Variants in GRID2 observed in about 807,000 individuals in gnomAD.
The protein encoded by GRID2 is glutamate ionotropic receptor delta type subunit 2.
GRID2 carries 33 observed loss-of-function variants against 114.8 expected under a neutral mutation model. The ratio of observed to expected loss-of-function variants is 0.29; its 90% CI spans 0.22 to 0.38. GRID2 has a LOEUF of 0.38. Among genes scored for constraint, GRID2 ranks in the 10% least tolerant of loss-of-function variants. The probability of loss-of-function intolerance (pLI) is 1.00; values close to 1 mark genes in which losing one functional copy is unlikely to be tolerated. For missense variants in GRID2, 1,184 were observed against 1,257.7 expected (o/e 0.94, Z 0.89); for synonymous variants, 505 against 449.9 (o/e 1.12, Z -1.55).
At chr4:92,749,309 G>A (rs1364243881) in intron 2 of GRID2, among the ~76,000 whole-genome samples, 1 of 107,098 alleles carries the variant, frequency 9.3e-6, no homozygotes, top group Non-Finnish European at 1.8e-5. Context: ...TTGATTTGTA[G>A]CTTTTTTTTT....
chr4:93,454,208 A>C (rs533615122), intron 10 of GRID2, among the ~76,000 whole-genome samples: 1 of 152,134 alleles, frequency 6.6e-6, no homozygotes, highest in East Asian at 1.9e-4. Flanking sequence ...TAATGTAAAT[A>C]GTACAGTTTA....
rs1270247643 is a variant in GRID2, at chr4:92,645,108, C to T, written c.244+54822C>T. On this transcript the variant is annotated intron_variant, in intron 2 of 15. Coordinates refer to ENST00000282020, the MANE Select transcript of GRID2 (RefSeq NM_001510.4). ...TTCAAACATTTCATTAGTATTTAAA[C>T]TTTCAATCTTCCTGTAAGTTCTATA... Among the ~76,000 whole-genome samples the T allele has an allele frequency of 2.0e-5, 3 of 151,372 alleles. 1 individual carries two copies. Among genetic ancestry groups the T allele is most frequent in the African/African-American group, 7.3e-5 (3 of 41,312 alleles).
chr4:93,069,945 C>T (rs1728664028), intron 2 of GRID2, among the ~76,000 whole-genome samples: 1 of 151,972 alleles, frequency 6.6e-6, no homozygotes, highest in African/African-American at 2.4e-5. Context: ...TGGGGGCTTA[C>T]TTGGTTGTTG....
intron 2 of GRID2, among the ~76,000 whole-genome samples, chr4:92,749,452 C>G (rs1737330855): frequency 6.7e-6 from 1 of 150,300 alleles, no homozygotes; most frequent in Non-Finnish European, 1.5e-5. Context: ...GTAGCTGAGA[C>G]TACAGGCGCC....
At chr4:93,082,456 C>A (rs150972450) in intron 2 of GRID2, among the ~76,000 whole-genome samples, 4 of 151,984 alleles carry the variant, frequency 2.6e-5, no homozygotes, top group Non-Finnish European at 5.9e-5. Context: ...CAGAGGGATG[C>A]GCATTTATAA....
chr4:93,422,630 A>T, intron 9 of GRID2, 141 bp from the exon 10 acceptor site: 1 of 602,246 alleles, frequency 1.7e-6, no homozygotes, highest in East Asian at 2.8e-5. Context: ...TGCGTTAATA[A>T]TGCATAAGTT....
chr4:92,713,896 C>T (rs1004627769), intron 2 of GRID2, among the ~76,000 whole-genome samples: 1 of 151,994 alleles, frequency 6.6e-6, no homozygotes, highest in Non-Finnish European at 1.5e-5. Flanking sequence ...GGTGGGGACA[C>T]AGCCAAACCA....
At chr4:92,624,179 C>T (rs1730409378) in intron 2 of GRID2, among the ~76,000 whole-genome samples, 1 of 151,750 alleles carries the variant, frequency 6.6e-6, no homozygotes, top group African/African-American at 2.4e-5. Context: ...CCTTACAGTC[C>T]TATGACGTAG....
intron 2 of GRID2, among the ~76,000 whole-genome samples, chr4:92,676,647 T>A (rs1312712498): frequency 6.6e-6 from 1 of 152,118 alleles, no homozygotes; most frequent in African/African-American, 2.4e-5. Flanking sequence ...ATCCCCATAT[T>A]CCCTACATAT....
intron 4 of GRID2, among the ~76,000 whole-genome samples, chr4:93,184,527 A>T (rs915313126): frequency 1.3e-5 from 2 of 151,620 alleles, no homozygotes; most frequent in Non-Finnish European, 2.9e-5. Context: ...AAAAAAAAAA[A>T]AAACTCACAG....
chr4:93,675,836 A>C (rs2110076108), intron 14 of GRID2, among the ~76,000 whole-genome samples: 1 of 152,328 alleles, frequency 6.6e-6, no homozygotes, highest in South Asian at 2.1e-4. Context: ...TGCAAAGTAA[A>C]AGCATTATAG....
At chr4:92,848,375 T>C (rs1743497330) in intron 2 of GRID2, among the ~76,000 whole-genome samples, 1 of 151,888 alleles carries the variant, frequency 6.6e-6, no homozygotes, top group Non-Finnish European at 1.5e-5. Context: ...CACATCTCTT[T>C]CTCTCTTCAC....
chr4:92,490,829 A>G (rs887322089), intron 1 of GRID2, among the ~76,000 whole-genome samples: 3 of 152,108 alleles, frequency 2.0e-5, no homozygotes, highest in Non-Finnish European at 2.9e-5. Flanking sequence ...TTTAAGAAAA[A>G]CCAGAAGAAA....
At chr4:93,165,114 G>T (rs1180429209) in intron 4 of GRID2, among the ~76,000 whole-genome samples, 1 of 152,020 alleles carries the variant, frequency 6.6e-6, no homozygotes, top group Non-Finnish European at 1.5e-5. Flanking sequence ...CCTGCAAAGG[G>T]TTTAACACAG....
Position 92,600,024 on chromosome 4 carries a change from A to ATGTGTG in GRID2, c.244+9754_244+9759dup, listed in dbSNP as rs145357264. Among the ~76,000 whole-genome samples, 268 of 79,468 alleles carry ATGTGTG rather than the reference A, an allele frequency of 3.4e-3. 2 individuals carry two copies. Among genetic ancestry groups the ATGTGTG allele is most frequent in the African/African-American group, 0.014 (247 of 17,668 alleles). 52.1% of individuals were successfully genotyped at this position (79,468 alleles called of 152,430 possible). ...TGGGCGACAGGGCAATACTTCATGT[A>ATGTGTG]TGTGTGTGTGTGTGTGTGTGTATAT... is the stretch of plus-strand genomic sequence containing the variant. On this transcript the variant is annotated intron_variant, in intron 2 of 15. Coordinates refer to ENST00000282020, the MANE Select transcript of GRID2 (RefSeq NM_001510.4).
At chr4:93,310,446 G>A (rs578139306) in intron 8 of GRID2, among the ~76,000 whole-genome samples, 51 of 152,218 alleles carry the variant, frequency 3.4e-4, no homozygotes, top group Non-Finnish European at 6.3e-4. Flanking sequence ...CAGGAGAATC[G>A]CTTGAACCCG....
chr4:93,106,381 C>G (rs1732233644), intron 3 of GRID2, among the ~76,000 whole-genome samples: 1 of 152,166 alleles, frequency 6.6e-6, no homozygotes, highest in Non-Finnish European at 1.5e-5. Context: ...GAGTCCCCCT[C>G]TGTTGCCCAG....
chr4:93,311,461 G>A (rs529305430), intron 8 of GRID2, among the ~76,000 whole-genome samples: 34 of 152,134 alleles, frequency 2.2e-4, no homozygotes, highest in African/African-American at 7.2e-4. Context: ...TCCACTTTAC[G>A]CCTGAGTTGC....
chr4:92,475,128 TA>T (rs71598448), intron 1 of GRID2, among the ~76,000 whole-genome samples: 4 of 121,246 alleles, frequency 3.3e-5, no homozygotes, highest in Non-Finnish European at 5.3e-5. Flanking sequence ...ATAATAATAA[TA>T]AATAATAATA....
Sources: allele counts gnomAD v4.1 joint callset (sites outside exome capture counted in the v4.1 genomes callset), GRCh38; gene constraint gnomAD v4.1.1; transcripts MANE v1.5; gene names NCBI Gene and HGNC (gene_info 2026-07-23, HGNC 2026-07-21).